Variants in NEGR1 observed in about 807,000 individuals in gnomAD.
The protein encoded by NEGR1 is IgLON family member 4.
NEGR1 carries 10 observed loss-of-function variants against 40.9 expected under a neutral mutation model. The ratio of observed to expected loss-of-function variants is 0.24; its 90% CI spans 0.15 to 0.42. The LOEUF is 0.42. Ranked by LOEUF, NEGR1 falls within the 10% of genes least tolerant of loss-of-function variation. NEGR1 has a pLI of 1.00. For missense variants in NEGR1, 352 were observed against 438.9 expected (o/e 0.80, Z 1.77); for synonymous variants, 185 against 166.8 (o/e 1.11, Z -0.84).
chr1:72,000,863 G>A (rs376181621), intron 1 of NEGR1, among the ~76,000 whole-genome samples: 7 of 152,174 alleles, frequency 4.6e-5, no homozygotes, highest in East Asian at 3.9e-4. Flanking sequence ...CAGGTAGTTC[G>A]GGTGGGTCCT....
At chr1:71,792,129 C>T (rs1425755625) in intron 2 of NEGR1, among the ~76,000 whole-genome samples, 1 of 152,010 alleles carries the variant, frequency 6.6e-6, no homozygotes, top group Admixed American at 6.6e-5. Flanking sequence ...CTTCTGAGGG[C>T]CTGAAGTTTC....
chr1:71,602,508 C>T (rs1167559422), intron 5 of NEGR1, among the ~76,000 whole-genome samples: 3 of 151,968 alleles, frequency 2.0e-5, no homozygotes, highest in Admixed American at 1.3e-4. Context: ...GCCTCGGCCT[C>T]CCAAAGTGCT....
At chr1:71,475,091 G>A (rs367693727) in intron 6 of NEGR1, among the ~76,000 whole-genome samples, 1 of 152,194 alleles carries the variant, frequency 6.6e-6, no homozygotes, top group East Asian at 1.9e-4. Flanking sequence ...ATGGGAGGGT[G>A]TAGGAGACTA....
At chr1:71,927,956 G>A in intron 2 of NEGR1, among the ~76,000 whole-genome samples, 1 of 146,390 alleles carries the variant, frequency 6.8e-6, no homozygotes. Context: ...CCAAGACTGA[G>A]CCACTACACT....
In NEGR1 at chr1:71,965,977, T is replaced by C. The variant is rs1303903965; in HGVS notation, c.177-30666A>G. ...ATAAAAGTGGCCTAAATAGGAAAAA[T>C]TATATTATTGCATCTGTTGATTCAT... On this transcript the variant is annotated intron_variant, in intron 1 of 6. Coordinates refer to ENST00000357731, the MANE Select transcript of NEGR1 (RefSeq NM_173808.3). Among the ~76,000 whole-genome samples, 5 of 152,268 alleles carry C rather than the reference T, an allele frequency of 3.3e-5. No homozygotes were observed. In the East Asian group the frequency reaches 9.7e-4, roughly 29 times the overall value.
chr1:71,935,641 C>T (rs564694318), intron 1 of NEGR1, among the ~76,000 whole-genome samples: 1 of 152,104 alleles, frequency 6.6e-6, no homozygotes, highest in Admixed American at 6.6e-5. Flanking sequence ...AATTAGTTTA[C>T]ACAATTTTCT....
intron 3 of NEGR1, 31 bp from the exon 4 acceptor site, chr1:71,698,170 T>C (rs767735536): frequency 6.3e-7 from 1 of 1,599,900 alleles, no homozygotes; most frequent in Admixed American, 1.7e-5. Context: ...TGTTTAATTG[T>C]AGCCGCCTGA....
At chr1:71,901,734 G>A (rs1040422662) in intron 2 of NEGR1, among the ~76,000 whole-genome samples, 3 of 144,668 alleles carry the variant, frequency 2.1e-5, no homozygotes, top group African/African-American at 7.8e-5. Context: ...GCAATGGTGC[G>A]ATCTCAGCTC....
chr1:72,120,938 A>G (rs1257015326), intron 1 of NEGR1, among the ~76,000 whole-genome samples: 8 of 152,078 alleles, frequency 5.3e-5, no homozygotes, highest in Non-Finnish European at 1.2e-4. Flanking sequence ...AGGATCAGTA[A>G]TGAAGGTGCC....
At chr1:71,959,309 T>C (rs1646144354) in intron 1 of NEGR1, among the ~76,000 whole-genome samples, 1 of 152,200 alleles carries the variant, frequency 6.6e-6, no homozygotes, top group African/African-American at 2.4e-5. Context: ...CCAGTCATCC[T>C]GTATGACTTT....
chr1:72,259,195 A>G (rs1489259421), intron 1 of NEGR1, among the ~76,000 whole-genome samples: 1 of 152,152 alleles, frequency 6.6e-6, no homozygotes, highest in Non-Finnish European at 1.5e-5. Flanking sequence ...TAGTATCAAT[A>G]TTAGAAAATT....
At chr1:71,808,608 A>G (rs181241281) in intron 2 of NEGR1, among the ~76,000 whole-genome samples, 16 of 151,690 alleles carry the variant, frequency 1.1e-4, no homozygotes, top group African/African-American at 3.9e-4. Context: ...TTTAGAATAA[A>G]CAAAAGAATG....
intron 4 of NEGR1, among the ~76,000 whole-genome samples, chr1:71,693,013 T>C (rs910774481): frequency 6.6e-6 from 1 of 151,784 alleles, no homozygotes; most frequent in Admixed American, 6.6e-5. Flanking sequence ...CACCTTAGTC[T>C]GGTTGGCTCT....
intron 1 of NEGR1, among the ~76,000 whole-genome samples, chr1:72,273,958 GA>G (rs1182017968): frequency 6.6e-6 from 1 of 150,886 alleles, no homozygotes; most frequent in African/African-American, 2.4e-5. Flanking sequence ...AGGGATAGCT[GA>G]ATGAGCATTT....
chr1:71,556,922 C>T (rs1315267941), intron 6 of NEGR1, among the ~76,000 whole-genome samples: 1 of 151,456 alleles, frequency 6.6e-6, no homozygotes, highest in Non-Finnish European at 1.5e-5. Flanking sequence ...AATGAAACAC[C>T]TCAACAGATG....
chr1:71,456,255 A>T (rs780636683), intron 6 of NEGR1, among the ~76,000 whole-genome samples: 24 of 152,226 alleles, frequency 1.6e-4, no homozygotes, highest in East Asian at 3.9e-4. Flanking sequence ...ACTTTAAAAA[A>T]TTTTTTTATG....
At chr1:72,176,963 G>A (rs1198884541) in intron 1 of NEGR1, among the ~76,000 whole-genome samples, 1 of 151,974 alleles carries the variant, frequency 6.6e-6, no homozygotes, top group Non-Finnish European at 1.5e-5. Context: ...AGATGAGATC[G>A]AGCGCGTTCA....
intron 3 of NEGR1, among the ~76,000 whole-genome samples, chr1:71,732,784 A>G (rs553857756): frequency 1.3e-5 from 2 of 152,320 alleles, no homozygotes; most frequent in African/African-American, 4.8e-5. Flanking sequence ...AGAGCAAATC[A>G]GAGAATGTGG....
chr1:72,032,904 C>T (rs1646871691), intron 1 of NEGR1, among the ~76,000 whole-genome samples: 1 of 151,952 alleles, frequency 6.6e-6, no homozygotes, highest in African/African-American at 2.4e-5. Flanking sequence ...AGGCTTATTA[C>T]AAAGATTAAA....
Sources: allele counts gnomAD v4.1 joint callset (sites outside exome capture counted in the v4.1 genomes callset), GRCh38; gene constraint gnomAD v4.1.1; transcripts MANE v1.5; gene names NCBI Gene and HGNC (gene_info 2026-07-23, HGNC 2026-07-21).